Variants in TAFA2 observed in about 807,000 individuals in gnomAD.
The protein encoded by TAFA2 is chemokine-like protein TAFA-2.
In TAFA2, 7 loss-of-function variants were observed where a neutral mutation model predicts 18.8. The ratio of observed to expected loss-of-function variants is 0.37; its 90% CI spans 0.21 to 0.70. TAFA2 has a LOEUF of 0.70. Ranked by LOEUF, TAFA2 falls within the 30% of genes least tolerant of loss-of-function variation. The probability of loss-of-function intolerance (pLI) is 0.53; values close to 1 mark genes in which losing one functional copy is unlikely to be tolerated. For missense variants in TAFA2, 122 were observed against 158.1 expected (o/e 0.77, Z 1.23); for synonymous variants, 60 against 54.2 (o/e 1.11, Z -0.47).
chr12:61,769,448 TA>T (rs1028408578), intron 2 of TAFA2, among the ~76,000 whole-genome samples: 2 of 151,472 alleles, frequency 1.3e-5, no homozygotes, highest in South Asian at 2.1e-4. Flanking sequence ...ACCATTGCAT[TA>T]AAAAAAACTA....
At chr12:61,754,293 A>G (rs1869159591) in intron 3 of TAFA2, among the ~76,000 whole-genome samples, 1 of 151,988 alleles carries the variant, frequency 6.6e-6, no homozygotes, top group Admixed American at 6.6e-5. Flanking sequence ...TTATAGTAAT[A>G]TGAGCACTTA....
At chr12:62,204,772 G>A (rs950708793) in intron 1 of TAFA2, among the ~76,000 whole-genome samples, 5 of 152,190 alleles carry the variant, frequency 3.3e-5, no homozygotes, top group Non-Finnish European at 7.4e-5. Context: ...GTTAGAACAT[G>A]CTCCTTTAGC....
intron 1 of TAFA2, among the ~76,000 whole-genome samples, chr12:61,932,331 C>T (rs755738546): frequency 3.3e-5 from 5 of 152,094 alleles, no homozygotes; most frequent in Non-Finnish European, 5.9e-5. Context: ...AAGGTAGTAA[C>T]CCTTCAGTGA....
At chr12:62,158,543 C>G (rs2062386652) in intron 1 of TAFA2, among the ~76,000 whole-genome samples, 1 of 152,168 alleles carries the variant, frequency 6.6e-6, no homozygotes, top group Admixed American at 6.5e-5. Flanking sequence ...TGAGTCCTCT[C>G]AAACCTATGA....
At chr12:61,833,484 C>T (rs1043895699) in intron 2 of TAFA2, among the ~76,000 whole-genome samples, 1 of 151,978 alleles carries the variant, frequency 6.6e-6, no homozygotes, top group Non-Finnish European at 1.5e-5. Context: ...TTGATTTTAT[C>T]ATTTGACTGG....
intron 4 of TAFA2, among the ~76,000 whole-genome samples, chr12:61,748,554 A>G (rs1868846546): frequency 6.6e-6 from 1 of 152,118 alleles, no homozygotes; most frequent in Non-Finnish European, 1.5e-5. Context: ...TGCTGTGTAC[A>G]TCATTTCCCA....
At chr12:61,968,138 A>G (rs1321002208) in intron 1 of TAFA2, among the ~76,000 whole-genome samples, 1 of 151,860 alleles carries the variant, frequency 6.6e-6, no homozygotes, top group African/African-American at 2.4e-5. Context: ...GGTGAGATAT[A>G]TAGACAATGA....
intron 4 of TAFA2, among the ~76,000 whole-genome samples, chr12:61,718,979 T>A (rs777944823): frequency 1.3e-5 from 2 of 152,196 alleles, no homozygotes; most frequent in Non-Finnish European, 2.9e-5. Flanking sequence ...TCTATTAACT[T>A]CTTTGTTGGT....
chr12:62,105,831 A>G (rs1869423586), intron 1 of TAFA2, among the ~76,000 whole-genome samples: 3 of 152,206 alleles, frequency 2.0e-5, no homozygotes, highest in Admixed American at 6.5e-5. Flanking sequence ...GGGATAATGC[A>G]GAGAGTAATG....
intron 1 of TAFA2, among the ~76,000 whole-genome samples, chr12:62,138,162 T>C (rs879294936): frequency 6.6e-6 from 1 of 152,124 alleles, no homozygotes; most frequent in Non-Finnish European, 1.5e-5. Context: ...ACCCGCCTGT[T>C]GTCCAAAGCT....
intron 2 of TAFA2, among the ~76,000 whole-genome samples, chr12:61,799,866 G>C (rs1015162952): frequency 6.6e-6 from 1 of 152,052 alleles, no homozygotes; most frequent in Non-Finnish European, 1.5e-5. Context: ...ACAAACTAAG[G>C]ATCCAGAAGG....
chr12:62,093,582 A>C (rs1185423787), intron 1 of TAFA2, among the ~76,000 whole-genome samples: 3 of 152,042 alleles, frequency 2.0e-5, no homozygotes, highest in African/African-American at 4.8e-5. Context: ...AATAATAACC[A>C]CTAGAATTTA....
chr12:62,205,997 C>A (rs1451929717), intron 1 of TAFA2, among the ~76,000 whole-genome samples: 1 of 152,204 alleles, frequency 6.6e-6, no homozygotes, highest in East Asian at 1.9e-4. Flanking sequence ...GCGGCTCCCA[C>A]ATGGGCTGTT....
At chr12:62,176,681 C>T (rs1199817369) in intron 1 of TAFA2, among the ~76,000 whole-genome samples, 1 of 152,016 alleles carries the variant, frequency 6.6e-6, no homozygotes, top group Non-Finnish European at 1.5e-5. Context: ...CATAGAAATG[C>T]ATTTATAGGA....
chr12:61,904,124 C>T (rs7980500), intron 1 of TAFA2, among the ~76,000 whole-genome samples: 125,771 of 152,100 alleles, frequency 0.83, 52,539 homozygotes, highest in African/African-American at 0.94. Flanking sequence ...CATTATTAAT[C>T]TGATAAACAT....
chr12:61,760,383 TGC>T (rs1869489942), intron 2 of TAFA2, among the ~76,000 whole-genome samples: 2 of 147,308 alleles, frequency 1.4e-5, no homozygotes, highest in African/African-American at 2.5e-5. Context: ...TATATATATA[TGC>T]GCCAGTAAAT....
At chr12:62,043,739 G>C (rs74569420) in intron 1 of TAFA2, among the ~76,000 whole-genome samples, 1 of 152,124 alleles carries the variant, frequency 6.6e-6, no homozygotes, top group African/African-American at 2.4e-5. Context: ...GATCTTCAAA[G>C]GTAAGAATTA....
At chr12:61,746,640 A>ATATTG (rs1305515215) in intron 4 of TAFA2, among the ~76,000 whole-genome samples, 1 of 152,118 alleles carries the variant, frequency 6.6e-6, no homozygotes, top group African/African-American at 2.4e-5. Context: ...TAATTACTGG[A>ATATTG]TATTGTATTA....
At chr12:61,915,746 G>C (rs1260484688) in intron 1 of TAFA2, among the ~76,000 whole-genome samples, 1 of 152,168 alleles carries the variant, frequency 6.6e-6, no homozygotes, top group African/African-American at 2.4e-5. Context: ...TGAGGAGATG[G>C]ATGTCCCAGC....
Sources: gnomAD v4.1 joint callset for allele counts (sites outside exome capture counted in the v4.1 genomes callset) on GRCh38, gnomAD v4.1.1 for gene constraint, MANE v1.5 for transcripts, NCBI Gene and HGNC (gene_info 2026-07-23, HGNC 2026-07-21) for gene names.